Variants in NPM1 observed in about 807,000 individuals in gnomAD.
NPM1 encodes the protein nucleophosmin.
A neutral mutation model predicts 44.1 loss-of-function variants in NPM1; 1 was observed. The observed-to-expected ratio is 0.02, with a 90% CI of 0.01 to 0.11. NPM1 has a LOEUF of 0.11. Among genes scored for constraint, NPM1 ranks in the 10% least tolerant of loss-of-function variants. NPM1 has a pLI of 1.00. For synonymous variants in NPM1, 126 were observed against 111.8 expected (o/e 1.13, Z -0.80); for missense variants, 197 against 347.8 (o/e 0.57, Z 3.45).
chr5:171,391,540 C>A lies in NPM1; in HGVS notation c.258+116C>A, dbSNP rs908452741. ...GAAAGTGGTTCTTTATCTTCTGTCA[C>A]TGGAGTTCGATGGTCAACTCTTGAA... On this transcript the variant is annotated intron_variant, in intron 3 of 10. Coordinates refer to ENST00000296930, the MANE Select transcript of NPM1 (RefSeq NM_002520.7). 3.7e-6 allele frequency: 5 copies of A among 1,367,182 alleles called. No individual in the cohort carries two copies. The East Asian group carries it at 9.2e-5, about 25-fold the overall frequency. The allele number at this position is 1,367,182 out of a possible 1,614,324, so 84.7% of individuals were successfully genotyped here. A position where few individuals can be genotyped will look rare whatever the true frequency, so the allele number is the denominator to read the frequency against.
intron 9 of NPM1, chr5:171,406,517 T>A: frequency 6.4e-7 from 1 of 1,561,980 alleles, no homozygotes; most frequent in Non-Finnish European, 8.6e-7. Context: ...AAGTCTTCTA[T>A]TTTAATCTCA....
intron 8 of NPM1, among the ~76,000 whole-genome samples, chr5:171,403,678 G>T (rs1771378224): frequency 2.7e-5 from 4 of 146,084 alleles, no homozygotes; most frequent in Non-Finnish European, 3.0e-5. Context: ...CGGCTGGCCA[G>T]GCGGGGGGCT....
At chr5:171,410,153 C>A (rs187804842) in intron 10 of NPM1, among the ~76,000 whole-genome samples, 1 of 152,180 alleles carries the variant, frequency 6.6e-6, no homozygotes, top group Non-Finnish European at 1.5e-5. Flanking sequence ...ACAGGCAATT[C>A]AGAATAAGTT....
chr5:171,402,053 C>CTTTT (rs34648553), intron 8 of NPM1, among the ~76,000 whole-genome samples: 20,899 of 133,350 alleles, frequency 0.16, 1,773 homozygotes, highest in Admixed American at 0.2. Context: ...TTCTGATTTC[C>CTTTT]TTTTTTTTTT....
At chr5:171,400,425 A>G (rs1040283216) in intron 7 of NPM1, among the ~76,000 whole-genome samples, 3 of 151,008 alleles carry the variant, frequency 2.0e-5, no homozygotes, top group Admixed American at 6.6e-5. Flanking sequence ...AGTCTTGTGT[A>G]ACCTTTTGTC....
intron 1 of NPM1, among the ~76,000 whole-genome samples, chr5:171,388,257 G>C (rs1770367852): frequency 6.6e-6 from 1 of 152,176 alleles, no homozygotes; most frequent in African/African-American, 2.4e-5. Flanking sequence ...CCGAGGCCCG[G>C]GGCCTGAGGT....
At chr5:171,404,460 G>T (rs1246786856) in intron 8 of NPM1, among the ~76,000 whole-genome samples, 10 of 86,098 alleles carry the variant, frequency 1.2e-4, no homozygotes, top group South Asian at 4.9e-4. Context: ...CCCAGACGGG[G>T]TCTCGGCCGG....
intron 10 of NPM1, among the ~76,000 whole-genome samples, chr5:171,409,664 T>C (rs1300000430): frequency 6.6e-6 from 1 of 152,292 alleles, no homozygotes; most frequent in East Asian, 1.9e-4. Flanking sequence ...TCATTTCTAG[T>C]TCTTGGTGAA....
intron 6 of NPM1, among the ~76,000 whole-genome samples, chr5:171,397,589 C>T (rs1017641698): frequency 1.6e-5 from 2 of 126,656 alleles, no homozygotes; most frequent in African/African-American, 2.9e-5. Flanking sequence ...TGTTTTTGCC[C>T]ACTTAAATCC....
chr5:171,391,808 T>G lies in NPM1; in HGVS notation c.352+9T>G. The G allele has an allele frequency of 6.6e-7, 1 of 1,518,814 alleles. No individual in the cohort carries two copies. The highest frequency in any genetic ancestry group is 9.1e-7 in the Non-Finnish European group (1 of 1,095,114). 94.1% of individuals were successfully genotyped at this position (1,518,814 alleles called of 1,614,324 possible). On this transcript the variant is annotated intron_variant, in intron 4 of 10. Transcript: ENST00000296930. ...TGGACAGCACTTAGTAGGTATGTTA[T>G]TTTTATATATTATACTACTTAGTTT... is the stretch of plus-strand genomic sequence containing the variant.
At chr5:171,407,458 TC>T (rs1771631637) in intron 9 of NPM1, 2 of 519,906 alleles carry the variant, frequency 3.8e-6, no homozygotes, top group Non-Finnish European at 6.7e-6. Context: ...TATTTTATGT[TC>T]CTAGAGAGGT....
rs546038248 is a variant in NPM1, at chr5:171,396,825, C to T, written c.525-3328C>T. On this transcript the variant is annotated intron_variant, in intron 6 of 10. Coordinates refer to ENST00000296930, the MANE Select transcript of NPM1 (RefSeq NM_002520.7). The stretch of plus-strand genomic sequence containing the variant: ...GTGAAACCCCGTCTCTGCTAACATA[C>T]AGCTGGGTGTGATGGTGGGCGCTTG... 2.6e-5 allele frequency among the ~76,000 whole-genome samples: 4 copies of T among 152,206 alleles called. 1 individual carries two copies. In the South Asian group the frequency reaches 8.3e-4, roughly 32 times the overall value.
At chr5:171,387,794 G>C (rs2113138257), upstream of NPM1, 1 of 709,242 alleles carries the variant, frequency 1.4e-6, no homozygotes, top group African/African-American at 1.8e-5. Context: ...GGCGGGACTT[G>C]GGAAGCGCTC....
upstream of NPM1, chr5:171,387,232 T>C (rs1338149311): frequency 1.3e-5 from 2 of 152,116 alleles, no homozygotes; most frequent in African/African-American, 4.8e-5. Context: ...AAAACAAAGT[T>C]CCGTAAGTCT....
chr5:171,402,396 A>G (rs897012247), intron 8 of NPM1, among the ~76,000 whole-genome samples: 3 of 149,588 alleles, frequency 2.0e-5, no homozygotes, highest in Non-Finnish European at 4.5e-5. Flanking sequence ...ATGCTTACAC[A>G]CTCTTGGTGG....
intron 2 of NPM1, 86 bp from the exon 3 acceptor site, chr5:171,391,219 A>G (rs1770559922): frequency 6.9e-7 from 1 of 1,448,710 alleles, no homozygotes; most frequent in Admixed American, 2.0e-5. Context: ...TGGTTAAGTG[A>G]CGCATGGCTG....
intron 1 of NPM1, among the ~76,000 whole-genome samples, chr5:171,389,178 A>C (rs1770439949): frequency 6.6e-6 from 1 of 152,054 alleles, no homozygotes; most frequent in Non-Finnish European, 1.5e-5. Context: ...GCAGAAGCCT[A>C]ATCTTTGTAC....
chr5:171,402,035 T>A (rs965260644), intron 8 of NPM1, among the ~76,000 whole-genome samples: 11 of 149,870 alleles, frequency 7.3e-5, no homozygotes, highest in African/African-American at 2.7e-4. Flanking sequence ...GCTTTATTCT[T>A]AGGGATTTTC....
intron 6 of NPM1, among the ~76,000 whole-genome samples, chr5:171,398,123 AT>A (rs1771007590): frequency 6.6e-6 from 1 of 152,198 alleles, no homozygotes; most frequent in Non-Finnish European, 1.5e-5. Flanking sequence ...CAAGTCCCTT[AT>A]CAGACACAAG....
Sources: gnomAD v4.1 joint callset for allele counts (sites outside exome capture counted in the v4.1 genomes callset) on GRCh38, gnomAD v4.1.1 for gene constraint, MANE v1.5 for transcripts, NCBI Gene and HGNC (gene_info 2026-07-23, HGNC 2026-07-21) for gene names.